GALC: variants seen among roughly 807,000 people sequenced by gnomAD.
GALC encodes the protein galactocerebrosidase.
GALC carries 77 observed loss-of-function variants against 91.8 expected under a neutral mutation model. The ratio of observed to expected loss-of-function variants is 0.84; its 90% confidence interval spans 0.70 to 1.01. The LOEUF is 1.01. GALC is among the 50% of genes least tolerant of loss of function. The pLI, the probability that GALC is intolerant of heterozygous loss-of-function variation, is 0.00. For missense variants in GALC, 882 were observed against 855.9 expected (o/e 1.03, Z -0.38); for synonymous variants, 357 against 306.7 (o/e 1.16, Z -1.71).
In GALC at chr14:87,988,480, G is replaced by C. The variant is rs368689863; in HGVS notation, c.239C>G (p.Ser80Cys). ...CTTAAAGAGATAATCCAATATCTGA[G>C]AACGATAGGGCTCTGGGTAATTTAC... ...LLVNYPEPYRSQILDYLFKPN... is the reference protein window; with the variant it reads ...LLVNYPEPYRCQILDYLFKPN... Residue 80 changes from serine to cysteine, a missense_variant, in exon 2 of 17, where the codon TCT becomes TGT. Transcript: ENST00000261304. 4 of 1,610,524 alleles carry C rather than the reference G, an allele frequency of 2.5e-6. No individual in the cohort carries two copies. The highest frequency in any genetic ancestry group is 3.4e-6 in the Non-Finnish European group (4 of 1,176,882).
chr14:87,949,257 A>T (rs1885206693), intron 12 of GALC, among the ~76,000 whole-genome samples: 1 of 152,036 alleles, frequency 6.6e-6, no homozygotes, highest in Non-Finnish European at 1.5e-5. Flanking sequence ...TTAGTATGTG[A>T]AGAGAGGCCA....
rs1245810001 is a variant in GALC at position 87,934,040 on chromosome 14, C to T, written c.*692G>A. ...CAGAGAGTTATAGTGGTTACAAGAC[C>T]AAAACTTGGAATCAAAAAAATTAAA... On this transcript the variant is annotated 3_prime_UTR_variant, in exon 17 of 17. Coordinates refer to ENST00000261304, the MANE Select transcript of GALC (RefSeq NM_000153.4). 6.9e-5 allele frequency: 106 copies of T among 1,532,900 alleles called. 1 individual carries two copies. Among genetic ancestry groups the T allele is most frequent in the Non-Finnish European group, 8.9e-5 (102 of 1,145,192 alleles). The allele number at this position is 1,532,900 out of a possible 1,614,324, so 95.0% of individuals were successfully genotyped here. A position where few individuals can be genotyped will look rare whatever the true frequency, so the allele number is the denominator to read the frequency against.
chr14:87,969,217 G>A (rs1886181296), intron 7 of GALC, among the ~76,000 whole-genome samples: 1 of 152,056 alleles, frequency 6.6e-6, no homozygotes. Context: ...TGGGGTCAGG[G>A]ATATTTGCTA....
chr14:87,993,380 T>C (rs908870769), upstream of GALC: 4 of 1,535,646 alleles, frequency 2.6e-6, no homozygotes, highest in African/African-American at 1.4e-5. Context: ...CACATGTACT[T>C]ACTGCTGGCT....
chr14:87,953,693 A>T, intron 10 of GALC: 1 of 1,608,688 alleles, frequency 6.2e-7, no homozygotes, highest in South Asian at 1.1e-5. Context: ...GTAGCTAAGA[A>T]AATGAAGTTG....
chr14:87,992,943 CG>C, intron 1 of GALC, 26 bp downstream of exon 1: 1 of 1,502,726 alleles, frequency 6.7e-7, no homozygotes, highest in South Asian at 1.2e-5. Context: ...TGCCGCCCCC[CG>C]CGTATCCCCG....
chr14:87,949,882 G>T lies in GALC; in HGVS notation c.1301C>A (p.Ser434Tyr), dbSNP rs199585731. Residue 434 changes from serine to tyrosine, a missense_variant, in exon 12 of 17, where the codon TCC becomes TAC. Transcript: ENST00000261304. ...QVWYTKLGKT[S>Y]ERFLFKQLDS... is the part of the protein sequence containing the mutation. ...CAGCTGCTTAAAAAGAAATCTTTCG[G>T]ATGTTTTTCCAAGTTTGGTATACCA... 1.3e-6 allele frequency: 2 copies of T among 1,599,382 alleles called. No homozygotes were observed. Among genetic ancestry groups the T allele is most frequent in the Non-Finnish European group, 1.7e-6 (2 of 1,167,648 alleles).
intron 1 of GALC, 104 bp downstream of exon 1, chr14:87,992,866 T>A: frequency 7.1e-7 from 1 of 1,400,084 alleles, no homozygotes; most frequent in Non-Finnish European, 9.2e-7. Context: ...CGGCGGAGAG[T>A]GGAGCCGGTG....
intron 15 of GALC, among the ~76,000 whole-genome samples, chr14:87,940,698 G>T (rs1246657684): frequency 6.6e-6 from 1 of 151,748 alleles, no homozygotes; most frequent in Non-Finnish European, 1.5e-5. Context: ...TTTATTTATG[G>T]AGTCAAAGCA....
At chr14:87,944,932 G>C (rs1885003064) in intron 14 of GALC, among the ~76,000 whole-genome samples, 1 of 151,730 alleles carries the variant, frequency 6.6e-6, no homozygotes. Context: ...AAATGAAAAA[G>C]AAACACATGA....
In GALC at chr14:87,984,451, G is replaced by A. The variant is rs181066089; in HGVS notation, c.525C>T (p.Val175=). The A allele has an allele frequency of 2.9e-3, 4,656 of 1,614,016 alleles. 8 individuals carry two copies. The highest frequency in any genetic ancestry group is 3.5e-3 in the Non-Finnish European group (4,188 of 1,179,932). The change falls in exon 5 of 17, where the codon GTC becomes GTT. Residue 175 remains valine (V), a synonymous_variant. Transcript: ENST00000261304. ...YVNLQLTAYY[V]VTWIVGAKRY... ...GCTTGGCGCCCACAATCCAGGTCACGACATAATAGGCAGTCAGCTGAAGAT... is the reference window on the plus strand; with the variant it reads ...GCTTGGCGCCCACAATCCAGGTCACAACATAATAGGCAGTCAGCTGAAGAT...
At chr14:87,939,796 C>G in intron 16 of GALC, 109 bp downstream of exon 16, 1 of 852,246 alleles carries the variant, frequency 1.2e-6, no homozygotes. Context: ...GATTCTTTGT[C>G]TCTCTTCATT....
At chr14:87,953,306 T>C (rs1885387191) in intron 10 of GALC, 3 of 1,479,836 alleles carry the variant, frequency 2.0e-6, no homozygotes, top group Non-Finnish European at 2.8e-6. Flanking sequence ...AATGTAAACA[T>C]GGAGACTGAA....
At chr14:87,991,297 G>A (rs1160917398) in intron 1 of GALC, among the ~76,000 whole-genome samples, 1 of 152,148 alleles carries the variant, frequency 6.6e-6, no homozygotes, top group Non-Finnish European at 1.5e-5. Context: ...CCGCCTCCCG[G>A]GTTCAAGCGA....
At chr14:87,955,362 G>A (rs1160710343) in intron 10 of GALC, among the ~76,000 whole-genome samples, 1 of 152,060 alleles carries the variant, frequency 6.6e-6, no homozygotes, top group Non-Finnish European at 1.5e-5. Context: ...AATCCTGTGA[G>A]GTTTAAAAAG....
intron 10 of GALC, chr14:87,953,542 C>A (rs1885396433): frequency 6.2e-7 from 1 of 1,609,218 alleles, no homozygotes; most frequent in Non-Finnish European, 8.5e-7. Context: ...TGAACTGCCA[C>A]CAAATGAGAT....
intron 10 of GALC, chr14:87,954,236 C>T: frequency 6.5e-7 from 1 of 1,539,616 alleles, no homozygotes; most frequent in Non-Finnish European, 9.0e-7. Flanking sequence ...ACAGTATAGA[C>T]TTTATAGAAT....
At chr14:87,952,888 C>A in intron 10 of GALC, 1 of 1,003,520 alleles carries the variant, frequency 1.0e-6, no homozygotes, top group Non-Finnish European at 1.6e-6. Context: ...CTGCATTTAA[C>A]TGAAAAGTAT....
At position 87,953,921 on chromosome 14, in the gene GALC, TG is replaced by T. The variant is rs1368348178; in HGVS notation, c.1162-3174del. On this transcript the variant is annotated intron_variant, in intron 10 of 16. Transcript: ENST00000261304. Reference sequence around the variant, plus strand: ...TGCCTTTAGCAACAGTTACAGTAATTGATCAATCAGAAACTAAGAAGGTTTT... The same window carrying T: ...TGCCTTTAGCAACAGTTACAGTAATTATCAATCAGAAACTAAGAAGGTTTT... The T allele has an allele frequency of 8.1e-6, 13 of 1,610,220 alleles. No homozygotes were observed. The African/African-American group carries it at 1.2e-4, about 15-fold the overall frequency.
Sources: allele counts gnomAD v4.1 joint callset (sites outside exome capture counted in the v4.1 genomes callset), GRCh38; gene constraint gnomAD v4.1.1; transcripts MANE v1.5; gene names NCBI Gene and HGNC (gene_info 2026-07-23, HGNC 2026-07-21).